DAAM1: variants seen among roughly 807,000 people sequenced by gnomAD.
DAAM1 encodes dishevelled associated activator of morphogenesis 1.
A neutral mutation model predicts 130.0 loss-of-function variants in DAAM1; 52 were observed. That is an observed-to-expected ratio of 0.40 (90% CI 0.32 to 0.50). DAAM1 has a LOEUF of 0.50. Among genes scored for constraint, DAAM1 ranks in the 20% least tolerant of loss-of-function variants. DAAM1 has a pLI of 0.61. For missense variants in DAAM1, 1,134 were observed against 1,303.8 expected (o/e 0.87, Z 2.01); for synonymous variants, 452 against 444.5 (o/e 1.02, Z -0.21).
At chr14:59,267,904 T>A (rs932318712) in intron 2 of DAAM1, among the ~76,000 whole-genome samples, 2 of 27,588 alleles carry the variant, frequency 7.2e-5, no homozygotes, top group Non-Finnish European at 8.2e-5. Context: ...GCCCCCCCCT[T>A]TTTTTTTTTT....
intron 2 of DAAM1, among the ~76,000 whole-genome samples, chr14:59,283,516 G>A (rs1883308690): frequency 6.6e-6 from 1 of 152,108 alleles, no homozygotes; most frequent in Non-Finnish European, 1.5e-5. Context: ...CTGTATGTGT[G>A]TGTTTTTGTG....
At chr14:59,305,127 G>T (rs530660808) in intron 3 of DAAM1, among the ~76,000 whole-genome samples, 1 of 152,188 alleles carries the variant, frequency 6.6e-6, no homozygotes, top group Admixed American at 6.5e-5. Flanking sequence ...AGGGTTTAGC[G>T]TTGTGTGTCC....
intron 1 of DAAM1, among the ~76,000 whole-genome samples, chr14:59,263,202 G>T (rs1232332907): frequency 1.3e-5 from 2 of 152,164 alleles, no homozygotes; most frequent in African/African-American, 4.8e-5. Context: ...TCAGGAGAGT[G>T]GCTGGAGTTG....
intron 1 of DAAM1, among the ~76,000 whole-genome samples, chr14:59,253,655 T>C (rs1881743359): frequency 6.6e-6 from 1 of 152,194 alleles, no homozygotes; most frequent in Non-Finnish European, 1.5e-5. Flanking sequence ...ATAAAAATTA[T>C]ACCTCTTTGG....
chr14:59,271,569 G>A (rs1303180116), intron 2 of DAAM1, among the ~76,000 whole-genome samples: 2 of 152,100 alleles, frequency 1.3e-5, no homozygotes, highest in Admixed American at 1.3e-4. Context: ...ATTCACTTGG[G>A]AACCTACATC....
chr14:59,330,621 C>T lies in DAAM1; in HGVS notation c.1493C>T (p.Thr498Ile). 6.2e-7 allele frequency: 1 copy of T among 1,613,990 alleles called. No homozygotes were observed. The highest frequency in any genetic ancestry group is 8.5e-7 in the Non-Finnish European group (1 of 1,179,982). Residue 498 changes from threonine (T) to isoleucine (I), a missense_variant, in exon 13 of 25, where the codon ACT becomes ATT. Coordinates refer to ENST00000360909, the MANE Select transcript of DAAM1 (RefSeq NM_001270520.2). ...ATGAAAGAGAAACTTGAAAAGGAGA[C>T]TACTGAGCATAAGCAAGTCAAGCAG... is the stretch of plus-strand genomic sequence containing the variant. The part of the protein sequence containing the change: ...NKMKEKLEKE[T>I]TEHKQVKQQV...
Position 59,331,261 on chromosome 14 carries a change from G to A in DAAM1, c.1613G>A (p.Gly538Glu), listed in dbSNP as rs776894907. 6.8e-6 allele frequency: 11 copies of A among 1,612,842 alleles called. No individual in the cohort carries two copies. The South Asian group carries it at 9.9e-5, about 15-fold the overall frequency. Reference protein sequence around the residue: ...PGGPSPGAPGGPFPSSVPGSL... With the variant: ...PGGPSPGAPGEPFPSSVPGSL... ...GGACCCTCGCCTGGAGCACCAGGAG[G>A]GCCCTTTCCTTCCTCTGTGCCTGGA... The change falls in exon 14 of 25, where the codon GGG (glycine) becomes GAG (glutamate). Residue 538 changes from glycine (G) to glutamate (E), a missense_variant. Around this residue, in one of 3 missense-constraint regions of DAAM1, gnomAD observed 644 missense variants for 695.9 expected, o/e 0.93. Coordinates refer to ENST00000360909, the MANE Select transcript of DAAM1 (RefSeq NM_001270520.2).
intron 16 of DAAM1, among the ~76,000 whole-genome samples, chr14:59,346,138 T>TGGG (rs36023292): frequency 1.7e-5 from 2 of 119,640 alleles, no homozygotes; most frequent in African/African-American, 6.2e-5. Context: ...CCCTTTTTTT[T>TGGG]GGGGGGGGGG....
intron 20 of DAAM1, among the ~76,000 whole-genome samples, chr14:59,358,332 AG>A (rs2139679160): frequency 6.6e-6 from 1 of 152,332 alleles, no homozygotes; most frequent in South Asian, 2.1e-4. Context: ...GGTCAGTCAG[AG>A]TTCAGCCCTG....
intron 6 of DAAM1, 96 bp from the exon 7 acceptor site, chr14:59,324,032 A>T: frequency 2.4e-6 from 1 of 410,656 alleles, no homozygotes. Flanking sequence ...ACTCCGTCTG[A>T]AAAAAAAAAA....
intron 17 of DAAM1, among the ~76,000 whole-genome samples, chr14:59,349,627 C>T (rs1380871783): frequency 2.0e-5 from 3 of 152,268 alleles, no homozygotes; most frequent in South Asian, 2.1e-4. Flanking sequence ...TGGCTGCTTT[C>T]ATCCCCTCCT....
chr14:59,312,879 A>G (rs1884648217), intron 3 of DAAM1, among the ~76,000 whole-genome samples: 1 of 152,242 alleles, frequency 6.6e-6, no homozygotes, highest in South Asian at 2.1e-4. Context: ...ATTTGGGATA[A>G]TGGGAGCAAA....
At chr14:59,312,656 G>A (rs907587705) in intron 3 of DAAM1, among the ~76,000 whole-genome samples, 1 of 152,174 alleles carries the variant, frequency 6.6e-6, no homozygotes, top group Admixed American at 6.5e-5. Flanking sequence ...TAAAGAGGAT[G>A]GGAGAGGATC....
At chr14:59,366,256 TGAAAGGGGTTCTAAAGCAAA>T (rs1194736771) in intron 23 of DAAM1, among the ~76,000 whole-genome samples, 2 of 152,196 alleles carry the variant, frequency 1.3e-5, no homozygotes, top group African/African-American at 4.8e-5. Flanking sequence ...AGATTGGCAT[TGAAAGGGGTTCTAAAGCAAA>T]GAATTTGGAA....
At chr14:59,294,814 C>T (rs982798519) in intron 3 of DAAM1, among the ~76,000 whole-genome samples, 4 of 152,140 alleles carry the variant, frequency 2.6e-5, no homozygotes, top group Middle Eastern at 3.2e-3. Flanking sequence ...CACAAAAAGG[C>T]GTCTGGCCAT....
intron 1 of DAAM1, among the ~76,000 whole-genome samples, chr14:59,219,330 G>T (rs569597593): frequency 6.6e-6 from 1 of 151,820 alleles, no homozygotes; most frequent in African/African-American, 2.4e-5. Flanking sequence ...GTCTTTTCTC[G>T]AGGGCTAGGA....
intron 1 of DAAM1, among the ~76,000 whole-genome samples, chr14:59,197,066 G>A (rs1887921573): frequency 6.6e-6 from 1 of 152,076 alleles, no homozygotes; most frequent in Non-Finnish European, 1.5e-5. Context: ...GACTACAGGC[G>A]CCTGCCACCA....
chr14:59,305,579 A>C (rs143910383), intron 3 of DAAM1, among the ~76,000 whole-genome samples: 154 of 152,322 alleles, frequency 1.0e-3, no homozygotes, highest in African/African-American at 3.7e-3. Context: ...TTTCTCAGAT[A>C]TACCAGGTGC....
chr14:59,226,513 G>T (rs1888948294), intron 1 of DAAM1, among the ~76,000 whole-genome samples: 1 of 152,136 alleles, frequency 6.6e-6, no homozygotes. Context: ...GGTCTGCTCA[G>T]CATCACATTT....
Sources: allele counts gnomAD v4.1 joint callset (sites outside exome capture counted in the v4.1 genomes callset), GRCh38; gene constraint gnomAD v4.1.1; regional missense constraint gnomAD v4.1.1; transcripts MANE v1.5; gene names NCBI Gene and HGNC (gene_info 2026-07-23, HGNC 2026-07-21).